Variants in SLC14A2 observed in about 807,000 individuals in gnomAD.
SLC14A2 encodes solute carrier family 14 member 2.
In SLC14A2, 91 loss-of-function variants were observed where a neutral mutation model predicts 104.6. That is an observed-to-expected ratio of 0.87 (90% CI 0.73 to 1.04). The LOEUF (loss-of-function observed/expected upper bound fraction) is 1.04. Among genes scored for constraint, SLC14A2 ranks in the 50% least tolerant of loss-of-function variants. The pLI is 0.00. For missense variants in SLC14A2, 1,189 were observed against 1,156.0 expected, an observed-to-expected ratio of 1.03 and a Z score of -0.41; for synonymous variants, 476 against 466.4, an observed-to-expected ratio of 1.02 and a Z score of -0.27.
intron 1 of SLC14A2, among the ~76,000 whole-genome samples, chr18:45,381,341 GA>G (rs2085832560): frequency 6.6e-6 from 1 of 152,210 alleles, no homozygotes; most frequent in Non-Finnish European, 1.5e-5. Context: ...ATTAGATTTG[GA>G]AAACAAACAT....
chr18:45,514,454 G>A (rs768742095), intron 2 of SLC14A2, among the ~76,000 whole-genome samples: 20 of 152,052 alleles, frequency 1.3e-4, no homozygotes, highest in African/African-American at 4.3e-4. Context: ...CTCCAACATT[G>A]GGAATTATAA....
At chr18:45,429,938 C>T (rs958368011) in intron 1 of SLC14A2, among the ~76,000 whole-genome samples, 1 of 152,156 alleles carries the variant, frequency 6.6e-6, no homozygotes, top group African/African-American at 2.4e-5. Context: ...TTCCTTGGCC[C>T]AGTGATGTTT....
intron 2 of SLC14A2, among the ~76,000 whole-genome samples, chr18:45,584,903 A>G (rs570804938): frequency 6.6e-6 from 1 of 152,354 alleles, no homozygotes; most frequent in South Asian, 2.1e-4. Flanking sequence ...AGCAGATCTT[A>G]GTGGGAGATT....
chr18:45,214,467 T>G (rs2083989912), intron 1 of SLC14A2, among the ~76,000 whole-genome samples: 1 of 152,248 alleles, frequency 6.6e-6, no homozygotes, highest in Admixed American at 6.5e-5. Context: ...ATCAGATGAA[T>G]GTATCTATTA....
At chr18:45,375,538 A>T (rs1316130624) in intron 1 of SLC14A2, among the ~76,000 whole-genome samples, 3 of 152,188 alleles carry the variant, frequency 2.0e-5, no homozygotes, top group Non-Finnish European at 4.4e-5. Flanking sequence ...TTGTCCTTAA[A>T]AACTCTGATT....
chr18:45,194,879 C>G, the SLC14A2 span, among the ~76,000 whole-genome samples: 3 of 152,028 alleles, frequency 2.0e-5, no homozygotes, highest in Non-Finnish European at 2.9e-5. Context: ...CTCCCGACCT[C>G]GTGATCTGCC....
In SLC14A2 at chr18:45,625,875, C is replaced by T; in HGVS notation, c.331+12C>T. The T allele has an allele frequency of 2.8e-6, 4 of 1,440,770 alleles. No homozygotes were observed. The highest frequency in any genetic ancestry group is 2.7e-6 in the Non-Finnish European group (3 of 1,097,746). 89.2% of individuals were successfully genotyped at this position (1,440,770 alleles called of 1,614,324 possible). On this transcript the variant is annotated intron_variant, in intron 3 of 19. Coordinates refer to ENST00000255226, the MANE Select transcript of SLC14A2 (RefSeq NM_007163.4). ...GATCTGGCTGAAAGGTAGGAAAATACCCTGGGGAGAGGCAGCCAGACCAGG... is the reference window on the plus strand; with the variant it reads ...GATCTGGCTGAAAGGTAGGAAAATATCCTGGGGAGAGGCAGCCAGACCAGG...
At chr18:45,405,601 G>A (rs1395548021) in intron 1 of SLC14A2, among the ~76,000 whole-genome samples, 8 of 152,092 alleles carry the variant, frequency 5.3e-5, no homozygotes, top group Admixed American at 3.3e-4. Context: ...ATACTTTATT[G>A]CTAAATCATG....
rs988552831 is a variant in SLC14A2, at chr18:45,280,027, C to T, written c.-125+66836C>T. Among the ~76,000 whole-genome samples the T allele has an allele frequency of 2.0e-5, 3 of 152,206 alleles. No individual in the cohort carries two copies. The East Asian group carries it at 5.8e-4, about 29-fold the overall frequency. On this transcript the variant is annotated intron_variant, in intron 1 of 20. Transcript: ENST00000586448. ...GTCACAACCAAAAAATATCTCTACA[C>T]ATTGCCAAATGTCCCCTGGTGGGAA... is the stretch of plus-strand genomic sequence containing the variant.
At chr18:45,631,344 C>T (rs2045342689) in intron 4 of SLC14A2, among the ~76,000 whole-genome samples, 1 of 152,238 alleles carries the variant, frequency 6.6e-6, no homozygotes, top group African/African-American at 2.4e-5. Flanking sequence ...GCATCACAAG[C>T]TGCCTATGCC....
intron 1 of SLC14A2, among the ~76,000 whole-genome samples, chr18:45,279,659 T>C (rs2084741212): frequency 6.6e-6 from 1 of 152,130 alleles, no homozygotes; most frequent in Non-Finnish European, 1.5e-5. Context: ...GTGATTCCTT[T>C]TACCAAGCAG....
chr18:45,357,426 C>A (rs1438542293), intron 1 of SLC14A2, among the ~76,000 whole-genome samples: 1 of 151,780 alleles, frequency 6.6e-6, no homozygotes, highest in Non-Finnish European at 1.5e-5. Flanking sequence ...GCCTGGACAA[C>A]ACAGCCAGAC....
At chr18:45,287,525 A>G (rs937908383) in intron 1 of SLC14A2, among the ~76,000 whole-genome samples, 3 of 151,812 alleles carry the variant, frequency 2.0e-5, no homozygotes, top group African/African-American at 7.3e-5. Flanking sequence ...AGGAGTGGGG[A>G]CTCTACTGGA....
At chr18:45,169,167 G>T in the SLC14A2 span, 2 of 152,160 alleles carry the variant, frequency 1.3e-5, no homozygotes, top group Admixed American at 6.6e-5. Context: ...GAAAAAATTG[G>T]AAAGAAAATG....
intron 2 of SLC14A2, among the ~76,000 whole-genome samples, chr18:45,533,547 C>T (rs951311020): frequency 2.5e-4 from 38 of 151,924 alleles, no homozygotes; most frequent in Non-Finnish European, 2.1e-4. Flanking sequence ...TGGTGATATC[C>T]CCTTTGTCAT....
rs2046340425 is a variant in SLC14A2, at chr18:45,683,268, G to T, written c.*749G>T. On this transcript the variant is annotated 3_prime_UTR_variant, in exon 20 of 20. Transcript: ENST00000255226. ...GCTGCTAATGAGCCCCTACCAGGTT[G>T]AGCAAGTCTTTCCCCACTCTCCACC... 1.3e-5 allele frequency: 2 copies of T among 152,200 alleles called. No homozygotes were observed. Among genetic ancestry groups the T allele is most frequent in the South Asian group, 4.1e-4 (2 of 4,840 alleles). The allele number at this position is 152,200 out of a possible 1,614,324, so 9.4% of individuals were successfully genotyped here.
intron 1 of SLC14A2, among the ~76,000 whole-genome samples, chr18:45,317,738 C>T (rs1017010553): frequency 6.6e-6 from 1 of 152,168 alleles, no homozygotes; most frequent in African/African-American, 2.4e-5. Flanking sequence ...GTTTCTGGAG[C>T]CCCAGGACCC....
chr18:45,487,339 G>C (rs544702994), intron 2 of SLC14A2, among the ~76,000 whole-genome samples: 3 of 152,190 alleles, frequency 2.0e-5, no homozygotes, highest in Non-Finnish European at 4.4e-5. Flanking sequence ...CATATGATTA[G>C]GCTGGATCCA....
chr18:45,505,987 T>C (rs1168218496), intron 2 of SLC14A2, among the ~76,000 whole-genome samples: 1 of 152,174 alleles, frequency 6.6e-6, no homozygotes, highest in Non-Finnish European at 1.5e-5. Context: ...GAGAAGCACC[T>C]TCTTGAAAAA....
Sources: gnomAD v4.1 joint callset for allele counts (sites outside exome capture counted in the v4.1 genomes callset) on GRCh38, gnomAD v4.1.1 for gene constraint, MANE v1.5 for transcripts, NCBI Gene and HGNC (gene_info 2026-07-23, HGNC 2026-07-21) for gene names.